The following GLT1D1 variants were observed in gnomAD, a reference collection of about 807,000 sequenced individuals.
GLT1D1 encodes the protein glycosyltransferase 1 domain containing 1.
A neutral mutation model predicts 28.7 loss-of-function variants in GLT1D1; 21 were observed. The ratio of observed to expected loss-of-function variants is 0.73; its 90% CI spans 0.52 to 1.05. The LOEUF (loss-of-function observed/expected upper bound fraction) is 1.05. Ranked by LOEUF, GLT1D1 falls within the 50% of genes least tolerant of loss-of-function variation. GLT1D1 has a pLI of 0.00. For missense variants in GLT1D1, 343 were observed against 330.6 expected (o/e 1.04, Z -0.29); for synonymous variants, 147 against 124.8 (o/e 1.18, Z -1.19).
chr12:128,878,011 C>T (rs746945213), intron 2 of GLT1D1, among the ~76,000 whole-genome samples: 3 of 152,208 alleles, frequency 2.0e-5, no homozygotes, highest in African/African-American at 4.8e-5. Flanking sequence ...CAGCTTCTCC[C>T]TGAGAGAACC....
rs931331616 is a variant in GLT1D1 at position 128,932,132 on chromosome 12, G to A, written c.376-13194G>A. Reference sequence around the variant, plus strand: ...CGTGGGGCTGCATGAAGGTGCTGCCGGCTCCTGGCCGCGATGGAAAGCCCC... The same window carrying A: ...CGTGGGGCTGCATGAAGGTGCTGCCAGCTCCTGGCCGCGATGGAAAGCCCC... On this transcript the variant is annotated intron_variant, in intron 4 of 7. Transcript: ENST00000281703. Among the ~76,000 whole-genome samples, 4 of 152,154 alleles carry A rather than the reference G, an allele frequency of 2.6e-5. No individual in the cohort carries two copies. In the East Asian group the frequency reaches 5.8e-4, roughly 22 times the overall value.
At chr12:128,876,645 T>C (rs1047493799) in intron 2 of GLT1D1, among the ~76,000 whole-genome samples, 1 of 152,230 alleles carries the variant, frequency 6.6e-6, no homozygotes, top group Non-Finnish European at 1.5e-5. Flanking sequence ...TTTCAAAATA[T>C]ATTTTTTTCA....
chr12:128,861,184 C>T (rs1593044158), intron 1 of GLT1D1, among the ~76,000 whole-genome samples: 1 of 152,150 alleles, frequency 6.6e-6, no homozygotes, highest in Non-Finnish European at 1.5e-5. Context: ...AACGCAGCCT[C>T]CCTGCCAGTT....
At chr12:128,939,590 T>C (rs1235816024) in intron 4 of GLT1D1, among the ~76,000 whole-genome samples, 2 of 152,018 alleles carry the variant, frequency 1.3e-5, no homozygotes, top group Non-Finnish European at 2.9e-5. Flanking sequence ...TACCTGAGAC[T>C]GGAGAATTTA....
chr12:128,873,673 A>G (rs949911015), intron 1 of GLT1D1, among the ~76,000 whole-genome samples: 3 of 152,226 alleles, frequency 2.0e-5, no homozygotes, highest in Admixed American at 2.0e-4. Context: ...AGGAGGCCTC[A>G]GGTCAACATT....
chr12:128,921,936 A>G (rs1431727377), intron 4 of GLT1D1, among the ~76,000 whole-genome samples: 2 of 147,766 alleles, frequency 1.4e-5, no homozygotes, highest in Non-Finnish European at 3.0e-5. Context: ...TTTTTTTCCA[A>G]TTCGGTAATA....
chr12:128,912,477 A>G lies in GLT1D1; in HGVS notation c.375+13190A>G, dbSNP rs770219723. On this transcript the variant is annotated intron_variant, in intron 4 of 7. Coordinates refer to ENST00000281703, the MANE Select transcript of GLT1D1 (RefSeq NM_144669.3). ...AGAGTCAAGGTAAGATTTTTAAAAT[A>G]TTTATTTACTTATGTACAGGGATAG... 2.1e-6 allele frequency: 3 copies of G among 1,438,224 alleles called. No homozygotes were observed. The highest frequency in any genetic ancestry group is 1.4e-5 in the African/African-American group (1 of 70,540). 89.1% of individuals were successfully genotyped at this position (1,438,224 alleles called of 1,614,324 possible). A position where few individuals can be genotyped will look rare whatever the true frequency, so the allele number is the denominator to read the frequency against.
intron 1 of GLT1D1, among the ~76,000 whole-genome samples, chr12:128,856,114 AC>A (rs1283471207): frequency 1.3e-5 from 2 of 151,666 alleles, no homozygotes; most frequent in African/African-American, 4.8e-5. Context: ...GATTATTCAC[AC>A]CTCCCCTTTC....
rs570030862 is a variant in GLT1D1, at chr12:128,931,036, C to G, written c.376-14290C>G. Among the ~76,000 whole-genome samples, 36 of 148,922 alleles carry G rather than the reference C, an allele frequency of 2.4e-4. 1 individual carries two copies. In the South Asian group the frequency reaches 5.1e-3, roughly 21 times the overall value. The stretch of plus-strand genomic sequence containing the variant: ...TTTTAAAATGAGACGGAGTCTTGCT[C>G]TGCCGCCCAGGCTGGAGCGCAATGG... On this transcript the variant is annotated intron_variant, in intron 4 of 7. Transcript: ENST00000281703.
chr12:128,907,954 T>TA (rs1291406509), intron 4 of GLT1D1, among the ~76,000 whole-genome samples: 1 of 152,208 alleles, frequency 6.6e-6, no homozygotes, highest in Non-Finnish European at 1.5e-5. Context: ...TTTAATTGTT[T>TA]AAAAAAACAA....
intron 4 of GLT1D1, among the ~76,000 whole-genome samples, chr12:128,901,378 C>T (rs1259793593): frequency 6.6e-6 from 1 of 152,080 alleles, no homozygotes; most frequent in African/African-American, 2.4e-5. Flanking sequence ...CCTCAGCCTC[C>T]CAAAGTGCTA....
chr12:128,878,599 C>G (rs754487422), intron 2 of GLT1D1, among the ~76,000 whole-genome samples: 1 of 151,920 alleles, frequency 6.6e-6, no homozygotes, highest in Non-Finnish European at 1.5e-5. Context: ...AAGTATATGA[C>G]TTTGAATTTT....
intron 7 of GLT1D1, among the ~76,000 whole-genome samples, chr12:128,975,083 C>T (rs470824): frequency 0.25 from 38,195 of 152,138 alleles, 5,534 homozygotes; most frequent in African/African-American, 0.39. Context: ...CAGACTCCCA[C>T]GCTCCGTCAC....
rs111270263 is a variant in GLT1D1, at chr12:128,928,278, G to A, written c.376-17048G>A. ...GAGTATCTGTAAATCCGAGAAACACGCTGGGATGGGAGACGTTCTGGTGGC... is the reference window on the plus strand; with the variant it reads ...GAGTATCTGTAAATCCGAGAAACACACTGGGATGGGAGACGTTCTGGTGGC... On this transcript the variant is annotated intron_variant, in intron 4 of 7. Coordinates refer to ENST00000281703, the MANE Select transcript of GLT1D1 (RefSeq NM_144669.3). 1.5e-3 allele frequency among the ~76,000 whole-genome samples: 224 copies of A among 152,160 alleles called. No individual in the cohort carries two copies. The East Asian group carries it at 0.024, about 16-fold the overall frequency.
At chr12:128,926,338 T>A in intron 4 of GLT1D1, 21 bp from the exon 7 acceptor site, 1 of 1,321,416 alleles carries the variant, frequency 7.6e-7, no homozygotes. Flanking sequence ...ACTGAAAACA[T>A]TCTGAACTCT....
At chr12:128,860,078 C>T (rs1254073602) in intron 1 of GLT1D1, among the ~76,000 whole-genome samples, 1 of 152,054 alleles carries the variant, frequency 6.6e-6, no homozygotes, top group Non-Finnish European at 1.5e-5. Context: ...TTCTGAATAC[C>T]CTAATGTGGC....
At chr12:128,925,926 C>T (rs959934411) in intron 4 of GLT1D1, among the ~76,000 whole-genome samples, 7 of 152,096 alleles carry the variant, frequency 4.6e-5, no homozygotes, top group Non-Finnish European at 7.4e-5. Context: ...TGTGGTGGCT[C>T]ACGCCTGTAA....
chr12:128,936,651 A>G (rs547974334), intron 4 of GLT1D1, among the ~76,000 whole-genome samples: 1 of 152,240 alleles, frequency 6.6e-6, no homozygotes, highest in African/African-American at 2.4e-5. Flanking sequence ...GCTCTTTGAT[A>G]AGGAGTGGGG....
chr12:128,959,423 G>GGGGT (rs1293880324), intron 7 of GLT1D1, among the ~76,000 whole-genome samples: 1 of 104,952 alleles, frequency 9.5e-6, no homozygotes, highest in Non-Finnish European at 2.1e-5. Flanking sequence ...GGGGGGGACG[G>GGGGT]GTGGGGAGGT....
Sources: allele counts gnomAD v4.1 joint callset (sites outside exome capture counted in the v4.1 genomes callset), GRCh38; gene constraint gnomAD v4.1.1; transcripts MANE v1.5; gene names NCBI Gene and HGNC (gene_info 2026-07-23, HGNC 2026-07-21).